The following METAP1D variants were observed in gnomAD, a reference collection of about 807,000 sequenced individuals.
METAP1D encodes methionine aminopeptidase 1D, mitochondrial.
Under a neutral mutation model 40.5 loss-of-function variants are expected in METAP1D, and 31 were observed. The observed-to-expected ratio is 0.77, with a 90% CI of 0.58 to 1.03. The LOEUF (loss-of-function observed/expected upper bound fraction) is 1.03. Among genes scored for constraint, METAP1D ranks in the 50% least tolerant of loss-of-function variants. The probability of loss-of-function intolerance (pLI) is 0.00; values close to 1 mark genes in which losing one functional copy is unlikely to be tolerated. For synonymous variants in METAP1D, 151 were observed against 146.4 expected (o/e 1.03, Z -0.22); for missense variants, 411 against 420.7 (o/e 0.98, Z 0.20).
chr2:172,069,537 A>T (rs1690372235), intron 5 of METAP1D, among the ~76,000 whole-genome samples: 1 of 152,200 alleles, frequency 6.6e-6, no homozygotes, highest in African/African-American at 2.4e-5. Context: ...GAAGACTTTT[A>T]ATAGTTTCAT....
intron 1 of METAP1D, among the ~76,000 whole-genome samples, chr2:172,002,102 T>C (rs1157129625): frequency 6.6e-6 from 1 of 152,062 alleles, no homozygotes; most frequent in Non-Finnish European, 1.5e-5. Flanking sequence ...CTAATTACTT[T>C]TCTGTTTCCT....
intron 1 of METAP1D, among the ~76,000 whole-genome samples, chr2:172,051,922 G>A (rs189077358): frequency 2.0e-5 from 3 of 152,174 alleles, no homozygotes; most frequent in Admixed American, 6.5e-5. Context: ...ATAAAAGTGA[G>A]TTATGACTTT....
At chr2:172,027,091 A>T (rs1289106248) in intron 1 of METAP1D, among the ~76,000 whole-genome samples, 1 of 152,202 alleles carries the variant, frequency 6.6e-6, no homozygotes, top group Non-Finnish European at 1.5e-5. Context: ...GAATGGAATC[A>T]TTCCTTTATT....
rs546137119 is a variant in METAP1D at position 172,012,332 on chromosome 2, C to T, written c.40+12323C>T. ...AGCTGTTCAGGACATCGCCCGAGCGCAGGGGCACTGCAATCAGAAAAGCGA... is the reference window on the plus strand; with the variant it reads ...AGCTGTTCAGGACATCGCCCGAGCGTAGGGGCACTGCAATCAGAAAAGCGA... On this transcript the variant is annotated intron_variant, in intron 1 of 9. Transcript: ENST00000315796. Among the ~76,000 whole-genome samples, 5 of 152,276 alleles carry T rather than the reference C, an allele frequency of 3.3e-5. No homozygotes were observed. In the South Asian group the frequency reaches 1.0e-3, roughly 32 times the overall value.
At chr2:172,067,173 A>G (rs1690303888) in intron 5 of METAP1D, among the ~76,000 whole-genome samples, 1 of 152,240 alleles carries the variant, frequency 6.6e-6, no homozygotes, top group Non-Finnish European at 1.5e-5. Context: ...TAACAAATAC[A>G]TTTTAAATAA....
At chr2:172,041,804 GTTT>G (rs201757401) in intron 1 of METAP1D, among the ~76,000 whole-genome samples, 5,261 of 61,504 alleles carry the variant, frequency 0.086, 1,199 homozygotes, top group East Asian at 0.6. Context: ...TATATATATA[GTTT>G]TTTTTTTTTT....
chr2:172,003,444 C>T (rs1401993746), intron 1 of METAP1D, among the ~76,000 whole-genome samples: 4 of 152,152 alleles, frequency 2.6e-5, no homozygotes, highest in Non-Finnish European at 5.9e-5. Context: ...GTAATAATCC[C>T]CATGTGTCAA....
At chr2:172,055,004 T>C (rs1689969882) in intron 1 of METAP1D, among the ~76,000 whole-genome samples, 1 of 152,228 alleles carries the variant, frequency 6.6e-6, no homozygotes, top group African/African-American at 2.4e-5. Flanking sequence ...CGATCATCTC[T>C]TGCAAGATCA....
At position 172,000,004 on chromosome 2, in the gene METAP1D, G is replaced by A. The variant is rs1053285132; in HGVS notation, c.35G>A (p.Arg12His). 6 of 1,338,562 alleles carry A rather than the reference G, an allele frequency of 4.5e-6. No homozygotes were observed. The highest frequency in any genetic ancestry group is 4.8e-6 in the Non-Finnish European group (5 of 1,036,090). 82.9% of individuals were successfully genotyped at this position (1,338,562 alleles called of 1,614,324 possible). ...CCCAGTGGCGTCCACCTGCTCGTCCGCAGAGGTAAGCGCGTGGAGGAGAGC... is the reference window on the plus strand; with the variant it reads ...CCCAGTGGCGTCCACCTGCTCGTCCACAGAGGTAAGCGCGTGGAGGAGAGC... The part of the protein sequence containing the change: ...AAPSGVHLLV[R>H]RGSHRIFSSP... The change falls in exon 1 of 10, where the codon CGC becomes CAC. Residue 12 changes from arginine (R) to histidine (H), a missense_variant. Arg to His is a conservative substitution (Grantham distance 29). Transcript: ENST00000315796.
At chr2:172,047,931 G>A (rs146084308) in intron 1 of METAP1D, among the ~76,000 whole-genome samples, 98 of 152,214 alleles carry the variant, frequency 6.4e-4, no homozygotes, top group African/African-American at 2.2e-3. Flanking sequence ...ATGGATGTAG[G>A]AAGGAATTTT....
At chr2:172,055,222 G>A (rs937603978) in intron 1 of METAP1D, among the ~76,000 whole-genome samples, 9 of 152,180 alleles carry the variant, frequency 5.9e-5, no homozygotes, top group Admixed American at 2.0e-4. Context: ...TGTGGGAGAC[G>A]GAGGGACTAT....
rs147469614 is a variant in METAP1D, at chr2:172,007,851, G to A, written c.40+7842G>A. Among the ~76,000 whole-genome samples, 188 of 151,928 alleles carry A rather than the reference G, an allele frequency of 1.2e-3. 3 individuals carry two copies. The East Asian group carries it at 0.031, about 25-fold the overall frequency. On this transcript the variant is annotated intron_variant, in intron 1 of 9. Coordinates refer to ENST00000315796, the MANE Select transcript of METAP1D (RefSeq NM_199227.3). The stretch of plus-strand genomic sequence containing the variant: ...ATTACAGGCGCATGCCACGACACCC[G>A]GCTAATTTTTGTATTTTTAGTAGAG...
rs1195366571 is a variant in METAP1D at position 172,043,153 on chromosome 2, G to A, written c.41-18345G>A. 7.1e-5 allele frequency among the ~76,000 whole-genome samples: 9 copies of A among 126,182 alleles called. 2 individuals carry two copies. Among genetic ancestry groups the A allele is most frequent in the African/African-American group, 2.4e-4 (9 of 37,772 alleles). The allele number at this position is 126,182 out of a possible 152,430, so 82.8% of individuals were successfully genotyped here. ...TACAGGATCTCACTTTGTTCCCCAG[G>A]CTGGTCTCAAACTCCTGAGCTCAAG... is the stretch of plus-strand genomic sequence containing the variant. On this transcript the variant is annotated intron_variant, in intron 1 of 9. Coordinates refer to ENST00000315796, the MANE Select transcript of METAP1D (RefSeq NM_199227.3).
chr2:172,005,507 T>C (rs948585497), intron 1 of METAP1D, among the ~76,000 whole-genome samples: 1 of 142,638 alleles, frequency 7.0e-6, no homozygotes, highest in African/African-American at 2.5e-5. Context: ...TAGTATTCCA[T>C]GGTGTCTGTA....
rs1356415057 is a variant in METAP1D at position 172,061,495 on chromosome 2, C to T, written c.41-3C>T. 1.2e-6 allele frequency: 2 copies of T among 1,608,696 alleles called. No homozygotes were observed. The highest frequency in any genetic ancestry group is 4.5e-5 in the East Asian group (2 of 44,752). On this transcript the variant is annotated splice_region_variant and splice_polypyrimidine_tract_variant and intron_variant, in intron 1 of 9. Coordinates refer to ENST00000315796, the MANE Select transcript of METAP1D (RefSeq NM_199227.3). ...CTTAAAATATGTCTGTTTCTGCTCA[C>T]AGGTTCTCATAGAATTTTCTCTTCA...
rs1236095216 is a variant in METAP1D, at chr2:172,066,233, A to G, written c.498-31A>G. On this transcript the variant is annotated intron_variant, in intron 4 of 9. Coordinates refer to ENST00000315796, the MANE Select transcript of METAP1D (RefSeq NM_199227.3). ...ATTTTCCTTTTATTGAGATCTGTCTATCACCATTTTTTTTTCTGTTTACGT... is the reference window on the plus strand; with the variant it reads ...ATTTTCCTTTTATTGAGATCTGTCTGTCACCATTTTTTTTTCTGTTTACGT... 6.3e-6 allele frequency: 10 copies of G among 1,590,700 alleles called. No homozygotes were observed. In the East Asian group the frequency reaches 2.0e-4, roughly 32 times the overall value.
intron 6 of METAP1D, among the ~76,000 whole-genome samples, chr2:172,073,455 G>A (rs1337882258): frequency 6.6e-6 from 1 of 151,924 alleles, no homozygotes; most frequent in South Asian, 2.1e-4. Flanking sequence ...TGGATACAAA[G>A]GTCAGTTTTC....
intron 1 of METAP1D, among the ~76,000 whole-genome samples, chr2:172,054,521 A>AAAATAAATAAATAAATAAATAAATAAAT (rs56060951): frequency 2.7e-4 from 41 of 149,342 alleles, no homozygotes; most frequent in Admixed American, 1.9e-3. Context: ...ACTCTGTCTC[A>AAAATAAATAAATAAATAAATAAATAAAT]AAATAAATAA....
chr2:172,052,790 T>A (rs1689913573), intron 1 of METAP1D, among the ~76,000 whole-genome samples: 1 of 152,260 alleles, frequency 6.6e-6, no homozygotes, highest in African/African-American at 2.4e-5. Context: ...GGGGAGTTCC[T>A]TGTTGCTTTG....
Sources: gnomAD v4.1 joint callset for allele counts (sites outside exome capture counted in the v4.1 genomes callset) on GRCh38, gnomAD v4.1.1 for gene constraint, MANE v1.5 for transcripts, NCBI Gene and HGNC (gene_info 2026-07-23, HGNC 2026-07-21) for gene names.